Variants in PAM observed in about 807,000 individuals in gnomAD.
PAM encodes peptidylglycine alpha-amidating monooxygenase.
PAM carries 72 observed loss-of-function variants against 122.1 expected under a neutral mutation model. That is an observed-to-expected ratio of 0.59 (90% confidence interval 0.49 to 0.72). PAM has a LOEUF of 0.72. Ranked by LOEUF, PAM falls within the 30% of genes least tolerant of loss-of-function variation. The pLI is 0.00. For missense variants in PAM, 1,106 were observed against 1,183.7 expected, an observed-to-expected ratio of 0.93 and a Z score of 0.96; for synonymous variants, 389 against 404.4, an observed-to-expected ratio of 0.96 and a Z score of 0.46.
chr5:102,767,722 G>A (rs1754517316), intron 1 of PAM, among the ~76,000 whole-genome samples: 2 of 152,056 alleles, frequency 1.3e-5, no homozygotes, highest in African/African-American at 4.8e-5. Context: ...TATTATTGCT[G>A]CATCAAGATT....
At chr5:102,896,812 T>C (rs1053895063) in intron 3 of PAM, among the ~76,000 whole-genome samples, 1 of 151,704 alleles carries the variant, frequency 6.6e-6, no homozygotes, top group African/African-American at 2.4e-5. Context: ...TTATTAAGTG[T>C]CTTAAATTCT....
chr5:102,956,187 A>C (rs1760669051), intron 12 of PAM, among the ~76,000 whole-genome samples: 1 of 152,098 alleles, frequency 6.6e-6, no homozygotes, highest in African/African-American at 2.4e-5. Flanking sequence ...GAGCTGATTA[A>C]TATGTCTCAG....
At chr5:102,765,426 G>A (rs574154203) in intron 1 of PAM, among the ~76,000 whole-genome samples, 67 of 152,256 alleles carry the variant, frequency 4.4e-4, no homozygotes, top group African/African-American at 1.5e-3. Context: ...TTTTAGGTGG[G>A]TGTAGTCCAT....
At chr5:102,864,620 A>T (rs1241129916) in intron 1 of PAM, 1 of 152,128 alleles carries the variant, frequency 6.6e-6, no homozygotes, top group African/African-American at 2.4e-5. Flanking sequence ...GTTTTGTTTT[A>T]GATTAGCTTC....
chr5:103,028,252 C>CT lies in PAM; in HGVS notation c.2743+18dup. 6.4e-7 allele frequency: 1 copy of CT among 1,565,328 alleles called. No homozygotes were observed. On this transcript the variant is annotated intron_variant, in intron 25 of 25. Transcript: ENST00000438793. ...GAAGATTTAGAGGTATGCCTATGAC[C>CT]TTTTAGAACCCTTCATGTTTGGTTC...
At chr5:102,940,914 A>G (rs939833055) in intron 7 of PAM, among the ~76,000 whole-genome samples, 1 of 152,192 alleles carries the variant, frequency 6.6e-6, no homozygotes, top group Non-Finnish European at 1.5e-5. Flanking sequence ...AGAGTTCAAT[A>G]AAGAGTTCTA....
intron 15 of PAM, among the ~76,000 whole-genome samples, chr5:102,982,173 G>T (rs1024121136): frequency 7.9e-5 from 12 of 152,208 alleles, no homozygotes; most frequent in East Asian, 3.9e-4. Context: ...CCTCCCAGGG[G>T]TCTAAGGATG....
chr5:102,900,254 T>TGTGGGGGGGGGG (rs777616737), intron 3 of PAM, among the ~76,000 whole-genome samples: 2 of 26,994 alleles, frequency 7.4e-5, no homozygotes, highest in African/African-American at 3.5e-4. Flanking sequence ...TGTGTGTGTG[T>TGTGGGGGGGGGG]GGGGGGGGGG....
chr5:102,916,083 T>G (rs1394509117), intron 5 of PAM, among the ~76,000 whole-genome samples: 2 of 152,198 alleles, frequency 1.3e-5, no homozygotes, highest in Non-Finnish European at 2.9e-5. Flanking sequence ...GAAAGAGCAG[T>G]GAACTAACTT....
At chr5:102,850,566 C>T (rs1310080634) in intron 1 of PAM, among the ~76,000 whole-genome samples, 1 of 152,194 alleles carries the variant, frequency 6.6e-6, no homozygotes, top group East Asian at 1.9e-4. Context: ...CATCACTGCT[C>T]ACTGGCAGAG....
intron 1 of PAM, among the ~76,000 whole-genome samples, chr5:102,809,755 A>T (rs1311295383): frequency 1.3e-5 from 2 of 152,244 alleles, no homozygotes; most frequent in African/African-American, 4.8e-5. Flanking sequence ...TTGCTTAAAA[A>T]TTTAAATTTA....
chr5:103,004,416 G>A (rs901531209), intron 17 of PAM, among the ~76,000 whole-genome samples: 1 of 152,114 alleles, frequency 6.6e-6, no homozygotes, highest in Non-Finnish European at 1.5e-5. Flanking sequence ...GAGTGTTACA[G>A]TTATGGCTTA....
At chr5:102,979,056 A>ACG in intron 15 of PAM, among the ~76,000 whole-genome samples, 2 of 150,538 alleles carry the variant, frequency 1.3e-5, no homozygotes, top group East Asian at 3.9e-4. Flanking sequence ...ACACACACAC[A>ACG]CACACGCACA....
chr5:102,920,221 A>G (rs1039140779), intron 5 of PAM, among the ~76,000 whole-genome samples: 1 of 152,058 alleles, frequency 6.6e-6, no homozygotes, highest in Non-Finnish European at 1.5e-5. Flanking sequence ...AGATGAGGTA[A>G]TATAAGTAAT....
intron 1 of PAM, among the ~76,000 whole-genome samples, chr5:102,764,768 A>G (rs1412189354): frequency 1.3e-5 from 2 of 152,198 alleles, no homozygotes; most frequent in African/African-American, 4.8e-5. Flanking sequence ...CTTTACCACA[A>G]CAGCAAACCG....
chr5:102,962,549 A>G (rs1474023503), intron 14 of PAM, among the ~76,000 whole-genome samples: 1 of 151,884 alleles, frequency 6.6e-6, no homozygotes, highest in African/African-American at 2.4e-5. Flanking sequence ...ACGGAATGAG[A>G]TACCACCATT....
At chr5:102,827,197 C>T (rs1773918454) in intron 1 of PAM, among the ~76,000 whole-genome samples, 1 of 152,186 alleles carries the variant, frequency 6.6e-6, no homozygotes, top group South Asian at 2.1e-4. Context: ...ATCCAGAAAT[C>T]TGAAATCTTC....
intron 1 of PAM, among the ~76,000 whole-genome samples, chr5:102,765,781 A>G (rs999918698): frequency 6.6e-6 from 1 of 152,174 alleles, no homozygotes; most frequent in African/African-American, 2.4e-5. Flanking sequence ...GTGTCTTCAC[A>G]TCATCTTTCC....
At chr5:102,940,962 T>A (rs1755004529) in intron 7 of PAM, among the ~76,000 whole-genome samples, 1 of 152,158 alleles carries the variant, frequency 6.6e-6, no homozygotes, top group Non-Finnish European at 1.5e-5. Flanking sequence ...CACTGTACTT[T>A]AAAAAAATAA....
Sources: allele counts gnomAD v4.1 joint callset (sites outside exome capture counted in the v4.1 genomes callset), GRCh38; gene constraint gnomAD v4.1.1; transcripts MANE v1.5; gene names NCBI Gene and HGNC (gene_info 2026-07-23, HGNC 2026-07-21).